Variants in ANO3 observed in about 807,000 individuals in gnomAD.
ANO3 encodes the protein anoctamin-3.
In ANO3, 99 loss-of-function variants were observed where a neutral mutation model predicts 144.8. That is an observed-to-expected ratio of 0.68 (90% CI 0.58 to 0.81). The LOEUF (loss-of-function observed/expected upper bound fraction) is 0.81. Ranked by LOEUF, ANO3 falls within the 30% of genes least tolerant of loss-of-function variation. ANO3 has a pLI of 0.00. For synonymous variants in ANO3, 414 were observed against 392.6 expected (o/e 1.05, Z -0.64); for missense variants, 905 against 1,202.2 (o/e 0.75, Z 3.66).
At chr11:26,325,109 A>T (rs1030453727) in intron 1 of ANO3, among the ~76,000 whole-genome samples, 3 of 152,206 alleles carry the variant, frequency 2.0e-5, no homozygotes, top group East Asian at 1.9e-4. Context: ...AATGCTATAA[A>T]TTTTTTTCCA....
chr11:26,598,484 G>A (rs1230017803), intron 15 of ANO3, 37 bp downstream of exon 15: 2 of 1,406,042 alleles, frequency 1.4e-6, no homozygotes, highest in African/African-American at 1.5e-5. Context: ...GGGAAACTGG[G>A]CTATTACAGG....
intron 13 of ANO3, among the ~76,000 whole-genome samples, chr11:26,555,332 A>C (rs1396214605): frequency 6.6e-6 from 1 of 152,184 alleles, no homozygotes; most frequent in Non-Finnish European, 1.5e-5. Context: ...AGGAATGCCA[A>C]AAAAATCCAG....
chr11:26,399,175 A>G (rs1565002468), intron 1 of ANO3, among the ~76,000 whole-genome samples: 1 of 151,782 alleles, frequency 6.6e-6, no homozygotes, highest in East Asian at 1.9e-4. Context: ...TCATAGCCCC[A>G]TGTTACTTTC....
intron 1 of ANO3, among the ~76,000 whole-genome samples, chr11:26,205,906 C>T (rs1379921685): frequency 6.6e-6 from 1 of 152,146 alleles, no homozygotes; most frequent in Non-Finnish European, 1.5e-5. Context: ...ACTGAGATAC[C>T]TCTATACATG....
chr11:26,609,454 G>T (rs1426441279), intron 17 of ANO3, among the ~76,000 whole-genome samples: 1 of 151,658 alleles, frequency 6.6e-6, no homozygotes, highest in Non-Finnish European at 1.5e-5. Flanking sequence ...GATATCACAT[G>T]CAGGATTCAC....
At chr11:26,654,997 C>A (rs747359964) in intron 24 of ANO3, among the ~76,000 whole-genome samples, 1 of 152,012 alleles carries the variant, frequency 6.6e-6, no homozygotes, top group Non-Finnish European at 1.5e-5. Flanking sequence ...ATCTTTCTGC[C>A]CCCACTGCCT....
chr11:26,347,965 T>C (rs538897284), intron 1 of ANO3, among the ~76,000 whole-genome samples: 2 of 152,178 alleles, frequency 1.3e-5, no homozygotes, highest in Non-Finnish European at 2.9e-5. Flanking sequence ...GGCTTGCCCA[T>C]TGGGTACTCT....
At chr11:26,618,968 G>A (rs1852337566) in intron 17 of ANO3, among the ~76,000 whole-genome samples, 1 of 152,092 alleles carries the variant, frequency 6.6e-6, no homozygotes, top group African/African-American at 2.4e-5. Context: ...CCTCCAATCA[G>A]ATTCTTCTGA....
chr11:26,225,051 G>T (rs889067371), intron 1 of ANO3, among the ~76,000 whole-genome samples: 9 of 152,076 alleles, frequency 5.9e-5, no homozygotes, highest in Non-Finnish European at 1.0e-4. Context: ...CACTACTGAG[G>T]TCATGTCAAG....
chr11:26,407,012 G>GTA (rs1284354704), intron 1 of ANO3, among the ~76,000 whole-genome samples: 18 of 139,806 alleles, frequency 1.3e-4, no homozygotes, highest in East Asian at 4.2e-4. Flanking sequence ...ATATAGGTGT[G>GTA]TATATATATA....
chr11:26,312,384 G>T (rs545901974), intron 1 of ANO3, among the ~76,000 whole-genome samples: 1 of 152,358 alleles, frequency 6.6e-6, no homozygotes, highest in East Asian at 1.9e-4. Context: ...TGGGTCAAAT[G>T]ATATTTCTAG....
chr11:26,232,682 G>T (rs964952666), intron 1 of ANO3, among the ~76,000 whole-genome samples: 2 of 152,020 alleles, frequency 1.3e-5, no homozygotes, highest in African/African-American at 2.4e-5. Flanking sequence ...AAAAACCCTA[G>T]AAGAAAACCT....
chr11:26,319,724 G>A (rs986453286), intron 1 of ANO3, among the ~76,000 whole-genome samples: 1 of 152,048 alleles, frequency 6.6e-6, no homozygotes, highest in Non-Finnish European at 1.5e-5. Context: ...AAGATACCTT[G>A]TTATTTTAAC....
intron 7 of ANO3, among the ~76,000 whole-genome samples, chr11:26,529,194 ATAATTAT>A (rs1849258783): frequency 1.4e-3 from 1 of 724 alleles, no homozygotes; most frequent in African/African-American, 1.8e-3. Context: ...TATATTATAT[ATAATTAT>A]ATAATATATA....
chr11:26,426,101 CTGTG>C (rs972494926), intron 1 of ANO3, among the ~76,000 whole-genome samples: 9 of 152,076 alleles, frequency 5.9e-5, no homozygotes, highest in African/African-American at 1.7e-4. Context: ...ATATAAAATA[CTGTG>C]TGTGTGTCTG....
At chr11:26,592,489 T>C (rs1334103210) in intron 14 of ANO3, among the ~76,000 whole-genome samples, 1 of 151,396 alleles carries the variant, frequency 6.6e-6, no homozygotes, top group Non-Finnish European at 1.5e-5. Context: ...CTTGGGCCTT[T>C]TCTGTCCTAC....
At chr11:26,462,510 C>T (rs1193183876) in intron 3 of ANO3, among the ~76,000 whole-genome samples, 1 of 151,680 alleles carries the variant, frequency 6.6e-6, no homozygotes, top group East Asian at 1.9e-4. Context: ...TCTGTTCTTT[C>T]CTGACAGTTG....
chr11:26,471,569 G>A lies in ANO3; in HGVS notation c.432+8421G>A, dbSNP rs548986423. On this transcript the variant is annotated intron_variant, in intron 4 of 26. Coordinates refer to ENST00000256737, the MANE Select transcript of ANO3 (RefSeq NM_031418.4). ...TACCAATCAAAATATGAAATAAGCA[G>A]CAACACCACCACCATCACAAAACAA... Among the ~76,000 whole-genome samples, 5 of 151,870 alleles carry A rather than the reference G, an allele frequency of 3.3e-5. No homozygotes were observed. In the South Asian group the frequency reaches 1.0e-3, roughly 31 times the overall value.
At chr11:26,260,405 A>G (rs1402158007) in intron 1 of ANO3, among the ~76,000 whole-genome samples, 2 of 152,202 alleles carry the variant, frequency 1.3e-5, no homozygotes, top group African/African-American at 4.8e-5. Context: ...AATTTTAAAG[A>G]AGTTTTGTGA....
Sources: allele counts gnomAD v4.1 joint callset (sites outside exome capture counted in the v4.1 genomes callset), GRCh38; gene constraint gnomAD v4.1.1; transcripts MANE v1.5; gene names NCBI Gene and HGNC (gene_info 2026-07-23, HGNC 2026-07-21).